The following UNC5C variants were observed in gnomAD, a reference collection of about 807,000 sequenced individuals.
UNC5C encodes netrin receptor UNC5C.
Under a neutral mutation model 99.8 loss-of-function variants are expected in UNC5C, and 47 were observed. The observed-to-expected ratio is 0.47, with a 90% confidence interval of 0.37 to 0.60. The LOEUF (loss-of-function observed/expected upper bound fraction) is 0.60, where lower values mean the gene tolerates loss of function less well. Ranked by LOEUF, UNC5C falls within the 20% of genes least tolerant of loss-of-function variation. The pLI is 0.00. For missense variants in UNC5C, 1,062 were observed against 1,165.9 expected, an observed-to-expected ratio of 0.91 and a Z score of 1.30; for synonymous variants, 487 against 452.2, an observed-to-expected ratio of 1.08 and a Z score of -0.98.
chr4:95,314,596 A>G (rs1481927752), intron 2 of UNC5C, among the ~76,000 whole-genome samples: 2 of 152,198 alleles, frequency 1.3e-5, no homozygotes, highest in African/African-American at 4.8e-5. Context: ...TTTTGGACAG[A>G]ATAAGCTAAC....
chr4:95,202,739 C>A lies in UNC5C; in HGVS notation c.2128G>T (p.Ala710Ser), dbSNP rs753318607. 29 of 1,613,890 alleles carry A rather than the reference C, an allele frequency of 1.8e-5. No individual in the cohort carries two copies. The highest frequency in any genetic ancestry group is 1.3e-4 in the East Asian group (6 of 44,900). ...AGGTGGGAGGCACTTACCTTCAGGG[C>A]ATCCTGGGTGTCATCCAGACAGTAG... ...RVYCLDDTQD[A>S]LKEILHLERQ... is the part of the protein sequence containing the mutation. The change falls in exon 12 of 16, where the codon GCC becomes TCC. Residue 710 changes from alanine to serine, a missense_variant. Transcript: ENST00000453304.
intron 15 of UNC5C, 97 bp downstream of exon 15, chr4:95,170,057 A>T (rs747650118): frequency 1.4e-6 from 2 of 1,472,734 alleles, no homozygotes; most frequent in East Asian, 4.6e-5. Flanking sequence ...AGATGTGTGG[A>T]TGGAAAAAAA....
At chr4:95,459,654 G>T (rs1406349781) in intron 1 of UNC5C, among the ~76,000 whole-genome samples, 2 of 152,142 alleles carry the variant, frequency 1.3e-5, no homozygotes, top group East Asian at 3.8e-4. Context: ...GCAAAAGACT[G>T]TTTTATCAAG....
chr4:95,350,446 C>T (rs1743943607), intron 1 of UNC5C, among the ~76,000 whole-genome samples: 1 of 151,158 alleles, frequency 6.6e-6, no homozygotes. Context: ...GAGATCGTGC[C>T]ACTACATTCC....
At chr4:95,536,490 A>G (rs1178513170) in intron 1 of UNC5C, among the ~76,000 whole-genome samples, 2 of 152,200 alleles carry the variant, frequency 1.3e-5, no homozygotes, top group African/African-American at 4.8e-5. Flanking sequence ...TCTAAAACCT[A>G]TTCCAAAATC....
chr4:95,238,042 A>AC (rs1739187666), intron 7 of UNC5C, among the ~76,000 whole-genome samples: 3 of 152,044 alleles, frequency 2.0e-5, no homozygotes, highest in South Asian at 2.1e-4. Context: ...GTCTCTAAAT[A>AC]AATACATACA....
chr4:95,376,938 C>T (rs574202692), intron 1 of UNC5C, among the ~76,000 whole-genome samples: 2 of 152,288 alleles, frequency 1.3e-5, no homozygotes, highest in East Asian at 1.9e-4. Flanking sequence ...TTCTGGTTGT[C>T]TGCCTTTTTG....
rs75865928 is a variant in UNC5C, at chr4:95,453,098, C to T, written c.124+95636G>A. ...TAGTTTTTCTCCCTTTTCCATAGGC[C>T]GTCATCTAACTAGTTATCTCACTCT... is the stretch of plus-strand genomic sequence containing the variant. On this transcript the variant is annotated intron_variant, in intron 1 of 15. Coordinates refer to ENST00000453304, the MANE Select transcript of UNC5C (RefSeq NM_003728.4). Among the ~76,000 whole-genome samples, 1,069 of 152,162 alleles carry T rather than the reference C, an allele frequency of 7.0e-3. 11 individuals carry two copies. Among genetic ancestry groups the T allele is most frequent in the African/African-American group, 0.024 (1,009 of 41,508 alleles).
chr4:95,215,272 C>T (rs1441017595), intron 10 of UNC5C, among the ~76,000 whole-genome samples: 6 of 152,230 alleles, frequency 3.9e-5, no homozygotes, highest in Non-Finnish European at 7.3e-5. Context: ...GGAGCCGATG[C>T]TCTTCCCCTT....
chr4:95,326,830 T>C (rs1742901558), intron 2 of UNC5C, among the ~76,000 whole-genome samples: 2 of 152,200 alleles, frequency 1.3e-5, no homozygotes, highest in Admixed American at 1.3e-4. Context: ...TTTTATTGTC[T>C]TGCAGGTTTT....
intron 1 of UNC5C, among the ~76,000 whole-genome samples, chr4:95,341,210 ATTTG>A (rs1743561448): frequency 9.6e-6 from 1 of 103,780 alleles, no homozygotes; most frequent in African/African-American, 3.9e-5. Context: ...CTGCAGCATT[ATTTG>A]TCTAAAGAAT....
intron 2 of UNC5C, among the ~76,000 whole-genome samples, chr4:95,334,365 A>T (rs1256351569): frequency 6.6e-6 from 1 of 151,994 alleles, no homozygotes; most frequent in East Asian, 1.9e-4. Context: ...TCAGAGAGAT[A>T]TCTAGTAAGG....
Position 95,319,867 on chromosome 4 carries a change from TG to T in UNC5C, c.346+15542del, listed in dbSNP as rs1742615501. The stretch of plus-strand genomic sequence containing the variant: ...TTTGACCAAATTATTGAGAGAATAA[TG>T]GGTACTAAGATTTAGTGGTACAGAA... On this transcript the variant is annotated intron_variant, in intron 2 of 15. Coordinates refer to ENST00000453304, the MANE Select transcript of UNC5C (RefSeq NM_003728.4). 1.3e-5 allele frequency among the ~76,000 whole-genome samples: 2 copies of T among 152,128 alleles called. 1 individual carries two copies. The highest frequency in any genetic ancestry group is 4.1e-4 in the South Asian group (2 of 4,828).
chr4:95,360,849 C>A (rs575748795), intron 1 of UNC5C, among the ~76,000 whole-genome samples: 2 of 152,028 alleles, frequency 1.3e-5, no homozygotes, highest in Non-Finnish European at 2.9e-5. Flanking sequence ...ATAAAGGAGG[C>A]AAATGATTTG....
chr4:95,406,831 A>G (rs1745844224), intron 1 of UNC5C, among the ~76,000 whole-genome samples: 1 of 152,240 alleles, frequency 6.6e-6, no homozygotes, highest in East Asian at 1.9e-4. Context: ...ATATTTTTCA[A>G]AAGCTAGTTC....
intron 6 of UNC5C, among the ~76,000 whole-genome samples, chr4:95,243,639 C>T (rs1184357654): frequency 6.6e-6 from 1 of 152,056 alleles, no homozygotes; most frequent in Non-Finnish European, 1.5e-5. Flanking sequence ...TTTGAGAAAT[C>T]TAAGTGATTT....
chr4:95,478,687 A>T (rs1721036497), intron 1 of UNC5C, among the ~76,000 whole-genome samples: 1 of 152,004 alleles, frequency 6.6e-6, no homozygotes, highest in Admixed American at 6.6e-5. Context: ...TCAATAGTAG[A>T]TACAATTGAC....
intron 1 of UNC5C, among the ~76,000 whole-genome samples, chr4:95,521,217 C>CTTT (rs201147890): frequency 2.2e-5 from 1 of 45,102 alleles, no homozygotes; most frequent in Non-Finnish European, 4.6e-5. Flanking sequence ...TTTCTTTTTT[C>CTTT]TTTTTTCTTT....
At chr4:95,485,724 T>A (rs1721309087) in intron 1 of UNC5C, among the ~76,000 whole-genome samples, 3 of 151,786 alleles carry the variant, frequency 2.0e-5, no homozygotes, top group Non-Finnish European at 4.4e-5. Context: ...GTTGTTTTGA[T>A]CAAAGTTTGT....
Sources: gnomAD v4.1 joint callset for allele counts (sites outside exome capture counted in the v4.1 genomes callset) on GRCh38, gnomAD v4.1.1 for gene constraint, MANE v1.5 for transcripts, NCBI Gene and HGNC (gene_info 2026-07-23, HGNC 2026-07-21) for gene names.